The following PTCHD4 variants were observed in gnomAD, a reference collection of about 807,000 sequenced individuals.
PTCHD4 encodes patched domain-containing protein 4.
A neutral mutation model predicts 58.1 loss-of-function variants in PTCHD4; 33 were observed. That is an observed-to-expected ratio of 0.57 (90% confidence interval 0.43 to 0.76). The LOEUF (loss-of-function observed/expected upper bound fraction) is 0.76, where lower values mean the gene tolerates loss of function less well. Among genes scored for constraint, PTCHD4 ranks in the 30% least tolerant of loss-of-function variants. The pLI, the probability that PTCHD4 is intolerant of heterozygous loss-of-function variation, is 0.00. For synonymous variants in PTCHD4, 478 were observed against 409.6 expected (o/e 1.17, Z -2.02); for missense variants, 1,058 against 1,027.1 (o/e 1.03, Z -0.41).
At chr6:47,899,642 C>T (rs1764635822) in intron 4 of PTCHD4, 4 of 766,478 alleles carry the variant, frequency 5.2e-6, no homozygotes, top group Admixed American at 1.3e-4. Context: ...TGATATAATG[C>T]CAAGCAATTC....
chr6:47,935,599 C>A (rs1765970731), intron 4 of PTCHD4, among the ~76,000 whole-genome samples: 1 of 152,094 alleles, frequency 6.6e-6, no homozygotes, highest in Non-Finnish European at 1.5e-5. Flanking sequence ...TACATATACT[C>A]ATTTTCTTGT....
At chr6:47,884,721 A>G (rs1261363899) in intron 4 of PTCHD4, among the ~76,000 whole-genome samples, 1 of 152,240 alleles carries the variant, frequency 6.6e-6, no homozygotes, top group African/African-American at 2.4e-5. Context: ...CTTGTTTTAC[A>G]TGCAGTTACC....
At chr6:48,036,584 T>A (rs928083358) in intron 3 of PTCHD4, among the ~76,000 whole-genome samples, 4 of 152,132 alleles carry the variant, frequency 2.6e-5, no homozygotes, top group Non-Finnish European at 4.4e-5. Context: ...GCTGCCACAG[T>A]TATCAGAAAT....
At chr6:48,024,757 AAG>A (rs1297488616) in intron 3 of PTCHD4, among the ~76,000 whole-genome samples, 1 of 152,048 alleles carries the variant, frequency 6.6e-6, no homozygotes, top group African/African-American at 2.4e-5. Context: ...CTCTGCAGGC[AAG>A]ATTGCAAGAT....
At chr6:48,105,328 T>G (rs1765695891) in intron 1 of PTCHD4, among the ~76,000 whole-genome samples, 1 of 151,822 alleles carries the variant, frequency 6.6e-6, no homozygotes, top group Admixed American at 6.6e-5. Flanking sequence ...ACATGGAAAC[T>G]GAACAACCTG....
rs1314597857 is a variant in PTCHD4, at chr6:47,873,248, A to G, written c.*5055T>C. Among the ~76,000 whole-genome samples the G allele has an allele frequency of 6.6e-6, 1 of 151,722 alleles. No homozygotes were observed. The highest frequency in any genetic ancestry group is 1.5e-5 in the Non-Finnish European group (1 of 67,764). ...GCAGTTGAGAATCTATAGTTTTGCA[A>G]CACCACGTGATTCTCTCTGCTGTAT... On this transcript the variant is annotated 3_prime_UTR_variant, in exon 5 of 5. Transcript: ENST00000339488.
chr6:48,043,155 T>C (rs1170388352), intron 3 of PTCHD4, among the ~76,000 whole-genome samples: 1 of 151,892 alleles, frequency 6.6e-6, no homozygotes, highest in Non-Finnish European at 1.5e-5. Context: ...CAAACCAATG[T>C]ATTAAATATA....
chr6:47,967,732 C>G (rs544015093), intron 4 of PTCHD4, among the ~76,000 whole-genome samples: 44 of 152,290 alleles, frequency 2.9e-4, no homozygotes, highest in African/African-American at 9.4e-4. Context: ...GTTATGGAAA[C>G]ATCTTCTCTC....
intron 4 of PTCHD4, among the ~76,000 whole-genome samples, chr6:47,920,588 C>T (rs1443675088): frequency 6.6e-6 from 1 of 152,140 alleles, no homozygotes; most frequent in African/African-American, 2.4e-5. Flanking sequence ...CCAACATTTG[C>T]ATTCACAATC....
rs1037839533 is a variant in PTCHD4 at position 47,858,538 on chromosome 6, A to G, written c.*19765T>C. Among the ~76,000 whole-genome samples, 1 of 152,058 alleles carries G rather than the reference A, an allele frequency of 6.6e-6. No individual in the cohort carries two copies. Among genetic ancestry groups the G allele is most frequent in the African/African-American group, 2.4e-5 (1 of 41,444 alleles). ...TGCTGAAACCTATGTGGTATAATTA[A>G]TAAAGCATTTTTTACCACAGATAAT... On this transcript the variant is annotated 3_prime_UTR_variant, in exon 5 of 5. Transcript: ENST00000339488.
At chr6:48,001,136 G>A (rs1455547067) in intron 4 of PTCHD4, among the ~76,000 whole-genome samples, 1 of 152,168 alleles carries the variant, frequency 6.6e-6, no homozygotes, top group Non-Finnish European at 1.5e-5. Context: ...AACATTCCAT[G>A]CTCATGGATA....
At chr6:48,103,882 G>C (rs542693386) in intron 1 of PTCHD4, among the ~76,000 whole-genome samples, 1 of 152,148 alleles carries the variant, frequency 6.6e-6, no homozygotes, top group Non-Finnish European at 1.5e-5. Context: ...GAAATGAAGT[G>C]TGAAGAGAAG....
Position 47,876,982 on chromosome 6 carries a change from C to A in PTCHD4, c.*1321G>T, listed in dbSNP as rs890175856. 6.6e-6 allele frequency among the ~76,000 whole-genome samples: 1 copy of A among 151,970 alleles called. No individual in the cohort carries two copies. The highest frequency in any genetic ancestry group is 1.5e-5 in the Non-Finnish European group (1 of 67,954). On this transcript the variant is annotated 3_prime_UTR_variant, in exon 5 of 5. Coordinates refer to ENST00000339488, the MANE Select transcript of PTCHD4 (RefSeq NM_001384253.1). ...AGGAGCACTTTCCAGGTAACAAGAG[C>A]AACACTATTGTGAGAAGCTACAAAT... is the stretch of plus-strand genomic sequence containing the variant.
At chr6:47,984,001 AAAT>A (rs1270923965) in intron 4 of PTCHD4, among the ~76,000 whole-genome samples, 2 of 152,306 alleles carry the variant, frequency 1.3e-5, no homozygotes, top group South Asian at 4.1e-4. Context: ...ACTGTATTAG[AAAT>A]AATATGCTGT....
chr6:48,068,359 G>A lies in PTCHD4; in HGVS notation c.288C>T (p.Ser96=), dbSNP rs375264456. 3.1e-5 allele frequency: 50 copies of A among 1,613,872 alleles called. No individual in the cohort carries two copies. The highest frequency in any genetic ancestry group is 4.2e-5 in the Non-Finnish European group (50 of 1,179,902). Residue 96 remains serine (S), a synonymous_variant, in exon 3 of 5, where the codon AGC becomes AGT. Transcript: ENST00000339488. The surrounding 1 kb of genome is among the most constrained non-coding windows in gnomAD (Gnocchi z 4.2). ...GGGTGTGTAAGTCCGAATAGAGCTG[G>A]CTTTTGGACTGGTCCAGGGGGAAAA... ...SSLFPLDQSK[S]QLYSDLHTPG...
chr6:48,015,404 C>T (rs1344649659), intron 3 of PTCHD4, among the ~76,000 whole-genome samples: 4 of 151,956 alleles, frequency 2.6e-5, no homozygotes, highest in African/African-American at 4.8e-5. Context: ...CTTCAAAGGC[C>T]CTGCTTAGCC....
intron 1 of PTCHD4, among the ~76,000 whole-genome samples, chr6:48,076,680 T>G (rs928423804): frequency 2.0e-5 from 3 of 152,210 alleles, no homozygotes; most frequent in Admixed American, 6.5e-5. Context: ...TTACTCCAAA[T>G]TAAATGTAAA....
intron 1 of PTCHD4, among the ~76,000 whole-genome samples, chr6:48,091,181 A>T (rs1373581148): frequency 6.6e-6 from 1 of 152,130 alleles, no homozygotes; most frequent in African/African-American, 2.4e-5. Flanking sequence ...CACTCATTTT[A>T]ACCTTTTAAA....
chr6:48,022,848 A>G (rs1356161817), intron 3 of PTCHD4, among the ~76,000 whole-genome samples: 1 of 152,180 alleles, frequency 6.6e-6, no homozygotes, highest in Non-Finnish European at 1.5e-5. Context: ...AATTTAACTT[A>G]TTACAAAAGA....
Sources: allele counts gnomAD v4.1 joint callset (sites outside exome capture counted in the v4.1 genomes callset), GRCh38; gene constraint gnomAD v4.1.1; non-coding constraint Gnocchi (gnomAD v3.1); transcripts MANE v1.5; gene names NCBI Gene and HGNC (gene_info 2026-07-23, HGNC 2026-07-21).